Variants in PPT1 observed in about 807,000 individuals in gnomAD.
PPT1 encodes the protein palmitoyl-protein thioesterase 1, also known as ceroid-palmitoyl-palmitoyl-protein thioesterase 1.
A neutral mutation model predicts 44.0 loss-of-function variants in PPT1; 24 were observed. That is an observed-to-expected ratio of 0.54 (90% CI 0.39 to 0.77). PPT1 has a LOEUF of 0.77. PPT1 is among the 30% of genes least tolerant of loss of function. The probability of loss-of-function intolerance (pLI) is 0.00; values close to 1 mark genes in which losing one functional copy is unlikely to be tolerated. For missense variants in PPT1, 341 were observed against 378.8 expected (o/e 0.90, Z 0.83); for synonymous variants, 148 against 140.2 (o/e 1.06, Z -0.39).
At chr1:40,094,503 A>C (rs983931119) in intron 1 of PPT1, among the ~76,000 whole-genome samples, 1 of 152,164 alleles carries the variant, frequency 6.6e-6, no homozygotes, top group Non-Finnish European at 1.5e-5. Context: ...ACAAAATTTA[A>C]GGAGGCACTC....
At chr1:40,077,216 A>G (rs1648674820) in intron 7 of PPT1, among the ~76,000 whole-genome samples, 1 of 152,224 alleles carries the variant, frequency 6.6e-6, no homozygotes, top group South Asian at 2.1e-4. Flanking sequence ...TGAATACATA[A>G]TCTGTTTCCA....
chr1:40,074,473 C>T (rs1648498532), intron 8 of PPT1, among the ~76,000 whole-genome samples: 1 of 117,954 alleles, frequency 8.5e-6, no homozygotes, highest in East Asian at 2.8e-4. Context: ...CTCTCTTTCT[C>T]TTTCTTTCTT....
At chr1:40,074,624 T>C (rs967249742) in intron 8 of PPT1, among the ~76,000 whole-genome samples, 1 of 151,908 alleles carries the variant, frequency 6.6e-6, no homozygotes, top group African/African-American at 2.4e-5. Flanking sequence ...CATGCCACCA[T>C]GCCTGGGTAA....
chr1:40,088,894 T>C (rs1649402187), intron 5 of PPT1, among the ~76,000 whole-genome samples: 1 of 152,246 alleles, frequency 6.6e-6, no homozygotes, highest in African/African-American at 2.4e-5. Flanking sequence ...TCTTCTTACA[T>C]AGAAAAATGC....
chr1:40,078,873 G>T (rs1446566347), intron 6 of PPT1: 8 of 532,474 alleles, frequency 1.5e-5, no homozygotes, highest in Non-Finnish European at 2.9e-5. Flanking sequence ...AGATTCAGGG[G>T]GGTACATGTG....
intron 8 of PPT1, 37 bp downstream of exon 8, chr1:40,076,805 A>G: frequency 6.2e-7 from 1 of 1,613,790 alleles, no homozygotes; most frequent in Non-Finnish European, 8.5e-7. Context: ...GAGCTGAAAA[A>G]ACACCAACCT....
chr1:40,090,447 T>TAG (rs1415523575), intron 4 of PPT1, among the ~76,000 whole-genome samples: 1 of 151,684 alleles, frequency 6.6e-6, no homozygotes, highest in South Asian at 2.1e-4. Context: ...TGTGTATATA[T>TAG]ATGTCTATGT....
In PPT1 at chr1:40,074,097, T is replaced by C. The variant is rs2124465517; in HGVS notation, c.885A>G (p.Glu295=). The part of the protein sequence containing the change: ...TEGDHLQLSE[E]WFYAHIIPFL... ...ATGGTATGATGTGGGCATAAAACCA[T>C]TCTTCAGACAACTGAAGATGGTCCC... The change falls in exon 9 of 9, where the codon GAA becomes GAG. Residue 295 remains glutamate, a synonymous_variant. Coordinates refer to ENST00000642050, the MANE Select transcript of PPT1 (RefSeq NM_000310.4). 2 of 1,614,152 alleles carry C rather than the reference T, an allele frequency of 1.2e-6. No homozygotes were observed. The highest frequency in any genetic ancestry group is 1.7e-6 in the Non-Finnish European group (2 of 1,179,994).
intron 5 of PPT1, among the ~76,000 whole-genome samples, chr1:40,086,745 G>A (rs1193235914): frequency 2.7e-5 from 4 of 150,906 alleles, no homozygotes; most frequent in Non-Finnish European, 4.4e-5. Flanking sequence ...CCATCATGTG[G>A]GTGGCAGGGG....
At position 40,073,531 on chromosome 1, in the gene PPT1, A is replaced by ATGAC. The variant is rs1553166030; in HGVS notation, c.*529_*530insGTCA. 6.3e-6 allele frequency: 1 copy of ATGAC among 158,648 alleles called. No homozygotes were observed. Among genetic ancestry groups the ATGAC allele is most frequent in the African/African-American group, 2.4e-5 (1 of 41,322 alleles). The allele number at this position is 158,648 out of a possible 1,614,324, so 9.8% of individuals were successfully genotyped here. The stretch of plus-strand genomic sequence containing the variant: ...GATTTGTCTAATAATTGATGATAAG[A>ATGAC]TGATAGCACAGAGGGCAACGTACTG... On this transcript the variant is annotated 3_prime_UTR_variant, in exon 9 of 9. Transcript: ENST00000642050.
Position 40,074,201 on chromosome 1 carries a change from A to G in PPT1, c.799-18T>C, listed in dbSNP as rs1468385779. On this transcript the variant is annotated intron_variant, in intron 8 of 8. Transcript: ENST00000642050. ...AGGCGGTCCTGCAGAAGGAAAGGCC[A>G]TAATTAATTAAAAAGCTTAATGAAG... The G allele has an allele frequency of 2.4e-5, 38 of 1,613,714 alleles. No homozygotes were observed. Among genetic ancestry groups the G allele is most frequent in the Non-Finnish European group, 3.1e-5 (36 of 1,179,856 alleles).
rs547801545 is a variant in PPT1 at position 40,097,106 on chromosome 1, C to T, written c.124+9G>A. Reference sequence around the variant, plus strand: ...TCGCCAAACCCTTTTAAATTTCTCACTCACTCACCCATCCCATGCCAGATC... The same window carrying T: ...TCGCCAAACCCTTTTAAATTTCTCATTCACTCACCCATCCCATGCCAGATC... On this transcript the variant is annotated intron_variant, in intron 1 of 8. Coordinates refer to ENST00000642050, the MANE Select transcript of PPT1 (RefSeq NM_000310.4). 6.2e-7 allele frequency: 1 copy of T among 1,614,040 alleles called. No individual in the cohort carries two copies. The highest frequency in any genetic ancestry group is 8.5e-7 in the Non-Finnish European group (1 of 1,179,904).
chr1:40,091,922 A>G (rs1443192330), intron 3 of PPT1, 123 bp downstream of exon 3: 1 of 1,279,146 alleles, frequency 7.8e-7, no homozygotes, highest in Admixed American at 2.2e-5. Context: ...ACACAGGAAC[A>G]TTTTAGGAAA....
intron 1 of PPT1, chr1:40,094,158 G>C: frequency 1.8e-6 from 1 of 564,282 alleles, no homozygotes; most frequent in Non-Finnish European, 3.3e-6. Flanking sequence ...TTTCTCTTCA[G>C]GGCCAGGACT....
At chr1:40,079,778 A>T (rs1443887288) in intron 6 of PPT1, among the ~76,000 whole-genome samples, 1 of 152,016 alleles carries the variant, frequency 6.6e-6, no homozygotes, top group East Asian at 1.9e-4. Flanking sequence ...TTTACACCAC[A>T]CTCCATAGGT....
intron 4 of PPT1, 109 bp downstream of exon 4, chr1:40,091,220 T>C (rs535113847): frequency 1.8e-6 from 2 of 1,142,288 alleles, no homozygotes; most frequent in Non-Finnish European, 2.6e-6. Flanking sequence ...AACAGGATTT[T>C]GCAAGAATGG....
At chr1:40,095,520 C>A (rs1159047338) in intron 1 of PPT1, among the ~76,000 whole-genome samples, 1 of 152,194 alleles carries the variant, frequency 6.6e-6, no homozygotes. Flanking sequence ...AAAGCAGACT[C>A]TTGATCTTTC....
At chr1:40,080,785 A>G (rs1648894333) in intron 5 of PPT1, among the ~76,000 whole-genome samples, 1 of 152,050 alleles carries the variant, frequency 6.6e-6, no homozygotes, top group Non-Finnish European at 1.5e-5. Context: ...GAGGCAGGAG[A>G]ACTGCTAGAA....
At chr1:40,078,843 A>G in intron 6 of PPT1, 185 bp from the exon 7 acceptor site, 2 of 621,228 alleles carry the variant, frequency 3.2e-6, no homozygotes, top group Non-Finnish European at 6.1e-6. Flanking sequence ...TTTTTTCTAA[A>G]AAACAAAATA....
Sources: gnomAD v4.1 joint callset for allele counts (sites outside exome capture counted in the v4.1 genomes callset) on GRCh38, gnomAD v4.1.1 for gene constraint, MANE v1.5 for transcripts, NCBI Gene and HGNC (gene_info 2026-07-23, HGNC 2026-07-21) for gene names.